The following ESYT1 variants were observed in gnomAD, a reference collection of about 807,000 sequenced individuals.
ESYT1 encodes extended synaptotagmin-1.
ESYT1 carries 116 observed loss-of-function variants against 154.2 expected under a neutral mutation model. That is an observed-to-expected ratio of 0.75 (90% CI 0.65 to 0.88). The LOEUF (loss-of-function observed/expected upper bound fraction) is 0.88, where lower values mean the gene tolerates loss of function less well. ESYT1 is among the 40% of genes least tolerant of loss of function. The pLI, the probability that ESYT1 is intolerant of heterozygous loss-of-function variation, is 0.00. For synonymous variants in ESYT1, 500 were observed against 539.9 expected (o/e 0.93, Z 1.02); for missense variants, 1,264 against 1,379.3 (o/e 0.92, Z 1.32).
chr12:56,134,301 T>G (rs1271065543), intron 14 of ESYT1, 41 bp from the exon 15 acceptor site: 2 of 1,604,578 alleles, frequency 1.2e-6, no homozygotes, highest in East Asian at 4.5e-5. Flanking sequence ...ACAGGAATGG[T>G]GCTGTGGTAT....
rs1187163912 is a variant in ESYT1, at chr12:56,128,343, C to T, written c.24C>T (p.Gly8=). 1 of 1,610,960 alleles carries T rather than the reference C, an allele frequency of 6.2e-7. No homozygotes were observed. The highest frequency in any genetic ancestry group is 8.5e-7 in the Non-Finnish European group (1 of 1,179,084). Residue 8 remains glycine (G), a synonymous_variant, in exon 1 of 31, where the codon GGC becomes GGT. Transcript: ENST00000394048. Reference sequence around the variant, plus strand: ...CAATGGAGCGATCTCCAGGAGAGGGCCCCAGCCCCAGCCCCATGGACCAGC... The same window carrying T: ...CAATGGAGCGATCTCCAGGAGAGGGTCCCAGCCCCAGCCCCATGGACCAGC... MERSPGE[G]PSPSPMDQPS...
In ESYT1 at chr12:56,138,417, A is replaced by G. The variant is rs1870552228; in HGVS notation, c.2351A>G (p.Asn784Ser). Residue 784 changes from asparagine (N) to serine (S), a missense_variant, in exon 22 of 31, where the codon AAT (asparagine) becomes AGT (serine). By Grantham distance (46) the Asn-to-Ser change is conservative. Transcript: ENST00000394048. ...AAELEEVLQV[N>S]SLIQTQKSAE... ...GCCCCTCCACAGGTGCTGCAGGTGA[A>G]TAGTTTGATCCAGACTCAGAAGAGT... 6.2e-7 allele frequency: 1 copy of G among 1,613,538 alleles called. No homozygotes were observed. Among genetic ancestry groups the G allele is most frequent in the African/African-American group, 1.3e-5 (1 of 74,918 alleles).
chr12:56,141,606 G>A (rs978216598), intron 24 of ESYT1, among the ~76,000 whole-genome samples: 2 of 152,216 alleles, frequency 1.3e-5, no homozygotes, highest in Admixed American at 1.3e-4. Flanking sequence ...CGGGTGTGGT[G>A]GCGGACACCT....
Position 56,144,549 on chromosome 12 carries a change from G to A in ESYT1, c.*687G>A, listed in dbSNP as rs572630097. The A allele has an allele frequency of 2.0e-6, 2 of 985,450 alleles. No individual in the cohort carries two copies. Among genetic ancestry groups the A allele is most frequent in the Admixed American group, 1.2e-4 (2 of 16,268 alleles). 61.0% of individuals were successfully genotyped at this position (985,450 alleles called of 1,614,324 possible). ...GGCTTTGGAGGACTTGGGACAGCAG[G>A]GCCAATTTTTTTGCCCAAGTGCCTA... On this transcript the variant is annotated 3_prime_UTR_variant, in exon 31 of 31. Transcript: ENST00000394048.
intron 24 of ESYT1, 130 bp downstream of exon 24, chr12:56,139,143 C>G (rs1050980602): frequency 1.5e-6 from 1 of 682,378 alleles, no homozygotes; most frequent in African/African-American, 1.8e-5. Context: ...GAGTCTTGCT[C>G]TGTCGCCCAG....
chr12:56,138,957 G>A lies in ESYT1; in HGVS notation c.2536G>A (p.Asp846Asn), dbSNP rs1191335331. ...TISQTSAPVW[D>N]ESASFLIRKP... ...TTCGCAAACTTCAGCCCCTGTCTGGGATGAGAGTGCCTCCTTTCTCATCAG... is the reference window on the plus strand; with the variant it reads ...TTCGCAAACTTCAGCCCCTGTCTGGAATGAGAGTGCCTCCTTTCTCATCAG... The change falls in exon 24 of 31, where the codon GAT becomes AAT. Residue 846 changes from aspartate (D) to asparagine (N), a missense_variant. Transcript: ENST00000394048. 1 of 1,614,154 alleles carries A rather than the reference G, an allele frequency of 6.2e-7. No individual in the cohort carries two copies. The highest frequency in any genetic ancestry group is 2.2e-5 in the East Asian group (1 of 44,886).
intron 1 of ESYT1, among the ~76,000 whole-genome samples, chr12:56,130,006 C>A (rs763266720): frequency 4.6e-5 from 7 of 152,054 alleles, no homozygotes; most frequent in Non-Finnish European, 7.4e-5. Context: ...GCAACCTCTG[C>A]CTCTTCAAGC....
In ESYT1 at chr12:56,128,403, C is replaced by T; in HGVS notation, c.84C>T (p.Pro28=). 3 of 1,611,666 alleles carry T rather than the reference C, an allele frequency of 1.9e-6. No individual in the cohort carries two copies. Among genetic ancestry groups the T allele is most frequent in the Non-Finnish European group, 1.7e-6 (2 of 1,178,820 alleles). The change falls in exon 1 of 31, where the codon CCC becomes CCT. Residue 28 remains proline, a synonymous_variant. Transcript: ENST00000394048. The stretch of plus-strand genomic sequence containing the variant: ...CCTCCGACCCCACTGACCAGCCCCC[C>T]GCTGCTCACGCAAAGCCAGACCCAG... ...SAPSDPTDQP[P]AAHAKPDPGS... is the part of the protein sequence containing the mutation.
chr12:56,138,769 T>A lies in ESYT1; in HGVS notation c.2435T>A (p.Leu812Gln), dbSNP rs150191812. 73 of 1,614,030 alleles carry A rather than the reference T, an allele frequency of 4.5e-5. No homozygotes were observed. Among genetic ancestry groups the A allele is most frequent in the Non-Finnish European group, 6.0e-5 (71 of 1,179,978 alleles). ...ACTAACACAGTATTGTCTTTCTAGC[T>A]GCGAAAAGGCACCAAGCACCTCAGC... The part of the protein sequence containing the change: ...IYMERAEDLP[L>Q]RKGTKHLSPY... Residue 812 changes from leucine to glutamine, a missense_variant and splice_region_variant, in exon 23 of 31, where the codon CTG (leucine) becomes CAG (glutamine). Transcript: ENST00000394048.
chr12:56,136,672 T>G, intron 15 of ESYT1, 72 bp from the exon 16 acceptor site: 11 of 1,368,066 alleles, frequency 8.0e-6, no homozygotes, highest in Non-Finnish European at 8.8e-6. Context: ...GTTGGAGCCA[T>G]GTTATCATTT....
chr12:56,133,605 T>G lies in ESYT1; in HGVS notation c.1311T>G (p.Gly437=). Residue 437 remains glycine, a synonymous_variant, in exon 12 of 31, where the codon GGT becomes GGG. Transcript: ENST00000394048. The stretch of plus-strand genomic sequence containing the variant: ...TCTTCTAGTGGTTCCCTCTACAAGG[T>G]GGGCAAGGCCAAGTTCACTTGAGGC... ...SVLDDWFPLQ[G]GQGQVHLRLE... The G allele has an allele frequency of 1.2e-6, 2 of 1,614,208 alleles. No individual in the cohort carries two copies. Among genetic ancestry groups the G allele is most frequent in the Non-Finnish European group, 1.7e-6 (2 of 1,180,038 alleles).
chr12:56,142,646 G>A lies in ESYT1; in HGVS notation c.2802G>A (p.Leu934=), dbSNP rs562525692. Residue 934 remains leucine (L), a synonymous_variant, in exon 26 of 31, where the codon CTG becomes CTA. Transcript: ENST00000394048. This position sits in a 1 kb window ranked among gnomAD's most constrained non-coding sequence, Gnocchi z 4.1. ...SHSYSHSSSS[L]SEEPELSGGP... ...GCTACAGCCACAGCTCCTCATCGCT[G>A]AGTGAAGAACCAGAGCTCTCGGGGG... 456 of 1,614,132 alleles carry A rather than the reference G, an allele frequency of 2.8e-4. 3 individuals are homozygous for A. In the South Asian group the frequency reaches 4.8e-3, roughly 17 times the overall value.
Position 56,130,729 on chromosome 12 carries a change from G to A in ESYT1, c.433-62G>A, listed in dbSNP as rs1870197985. 17 of 1,613,068 alleles carry A rather than the reference G, an allele frequency of 1.1e-5. No homozygotes were observed. The South Asian group carries it at 1.2e-4, about 11-fold the overall frequency. On this transcript the variant is annotated intron_variant, in intron 2 of 30. Coordinates refer to ENST00000394048, the MANE Select transcript of ESYT1 (RefSeq NM_015292.3). The stretch of plus-strand genomic sequence containing the variant: ...CAGTGCTCTCCGTGGGGAGGATTCT[G>A]AAGGAACTTGCCTTGAGAGGGAAGA...
At position 56,143,259 on chromosome 12, in the gene ESYT1, C is replaced by T. The variant is rs1471196585; in HGVS notation, c.3151C>T (p.Gln1051Ter). 6.2e-7 allele frequency: 1 copy of T among 1,614,124 alleles called. No individual in the cohort carries two copies. The highest frequency in any genetic ancestry group is 2.2e-5 in the East Asian group (1 of 44,880). Reference protein sequence around the residue: ...FEWELPLDEAQRRKLDVSVKS... With the variant: ...FEWELPLDEA ...GTGGGAACTCCCCCTGGATGAGGCC[C>T]AGAGACGAAAGCTGGATGTCTCTGT... Residue 1051 changes from glutamine (Q) to a stop codon, truncating the protein, a stop_gained, in exon 29 of 31, where the codon CAG becomes TAG. Coordinates refer to ENST00000394048, the MANE Select transcript of ESYT1 (RefSeq NM_015292.3). LOFTEE classifies it high-confidence loss of function.
Position 56,128,547 on chromosome 12 carries a change from C to A in ESYT1, c.228C>A (p.Leu76=), listed in dbSNP as rs750188881. ...TGTATTTGGCCGGGGCAGTGGGACT[C>A]AGCGTGGGTTTCGTGCTCTTCGGCC... ...IPVYLAGAVG[L]SVGFVLFGLA... The change falls in exon 1 of 31, where the codon CTC becomes CTA. Residue 76 remains leucine, a synonymous_variant. Transcript: ENST00000394048. 1.9e-6 allele frequency: 3 copies of A among 1,613,520 alleles called. No homozygotes were observed. Among genetic ancestry groups the A allele is most frequent in the South Asian group, 2.2e-5 (2 of 90,930 alleles).
rs1870321784 is a variant in ESYT1, at chr12:56,133,430, G to A, written c.1258G>A (p.Val420Ile). Residue 420 changes from valine (V) to isoleucine (I), a missense_variant, in exon 11 of 31, where the codon GTA becomes ATA. Physicochemically the swap from Val to Ile is conservative, Grantham distance 29 (BLOSUM62 3). Transcript: ENST00000394048. ...DDFLGRMKLD[V>I]GKVLQASVLD... The stretch of plus-strand genomic sequence containing the variant: ...GCCAACCCTCAGAATGAAGCTGGAT[G>A]TAGGGAAGGTGTTACAGGCTAGCGT... 2.5e-6 allele frequency: 4 copies of A among 1,614,112 alleles called. No homozygotes were observed. The highest frequency in any genetic ancestry group is 3.4e-6 in the Non-Finnish European group (4 of 1,180,054).
Position 56,142,585 on chromosome 12 carries a change from T to A in ESYT1, c.2741T>A (p.Val914Glu). Residue 914 changes from valine to glutamate, a missense_variant, in exon 26 of 31, where the codon GTG becomes GAG. By Grantham distance (121) the Val-to-Glu change is moderately radical. Coordinates refer to ENST00000394048, the MANE Select transcript of ESYT1 (RefSeq NM_015292.3). The surrounding 1 kb of genome is among the most constrained non-coding windows in gnomAD (Gnocchi z 4.1). ...CAGCTTTCTTGCCCCTAGATCCTGG[T>A]GTCCCAGCACTCGGGAGTGGAAGCT... ...VLLRAQLGIL[V>E]SQHSGVEAHS... The A allele has an allele frequency of 6.2e-7, 1 of 1,614,128 alleles. No individual in the cohort carries two copies. Among genetic ancestry groups the A allele is most frequent in the Non-Finnish European group, 8.5e-7 (1 of 1,180,020 alleles).
rs758068249 is a variant in ESYT1 at position 56,137,224 on chromosome 12, T to C, written c.1789T>C (p.Tyr597His). ...LYMKLVMRILYLDSSEICFPT... is the reference protein window; with the variant it reads ...LYMKLVMRILHLDSSEICFPT... ...ATCATACTACCCTTCCTAGATCCTG[T>C]ACTTGGATTCATCAGAAATATGCTT... is the stretch of plus-strand genomic sequence containing the variant. Residue 597 changes from tyrosine (Y) to histidine (H), a missense_variant, in exon 17 of 31, where the codon TAC (tyrosine) becomes CAC (histidine). Coordinates refer to ENST00000394048, the MANE Select transcript of ESYT1 (RefSeq NM_015292.3). The C allele has an allele frequency of 6.2e-7, 1 of 1,614,176 alleles. No individual in the cohort carries two copies.
Position 56,137,357 on chromosome 12 carries a change from G to A in ESYT1, c.1922G>A (p.Ser641Asn), listed in dbSNP as rs1870502015. ...PPRPCHTTPDSQFGTEHVLRI... is the reference protein window; with the variant it reads ...PPRPCHTTPDNQFGTEHVLRI... ...CGACCCTGTCACACGACTCCTGATAGCCAGTTTGGGACTGAGGTGAGTCTA... is the reference window on the plus strand; with the variant it reads ...CGACCCTGTCACACGACTCCTGATAACCAGTTTGGGACTGAGGTGAGTCTA... The change falls in exon 17 of 31, where the codon AGC becomes AAC. Residue 641 changes from serine (S) to asparagine (N), a missense_variant. Physicochemically the swap from Ser to Asn is conservative, Grantham distance 46. Coordinates refer to ENST00000394048, the MANE Select transcript of ESYT1 (RefSeq NM_015292.3). The A allele has an allele frequency of 1.2e-5, 19 of 1,614,214 alleles. No individual in the cohort carries two copies. Among genetic ancestry groups the A allele is most frequent in the Non-Finnish European group, 1.5e-5 (18 of 1,180,044 alleles).
Sources: allele counts gnomAD v4.1 joint callset (sites outside exome capture counted in the v4.1 genomes callset), GRCh38; gene constraint gnomAD v4.1.1; non-coding constraint Gnocchi (gnomAD v3.1); transcripts MANE v1.5; gene names NCBI Gene and HGNC (gene_info 2026-07-23, HGNC 2026-07-21).